Variants in ZDHHC19 observed in about 807,000 individuals in gnomAD.
ZDHHC19 encodes the protein zDHHC palmitoyltransferase 19, also known as palmitoyltransferase ZDHHC19.
A neutral mutation model predicts 33.9 loss-of-function variants in ZDHHC19; 30 were observed. The ratio of observed to expected loss-of-function variants is 0.88; its 90% CI spans 0.66 to 1.20. The LOEUF (loss-of-function observed/expected upper bound fraction) is 1.20. ZDHHC19 is among the 50% of genes most tolerant of loss of function. The pLI, the probability that ZDHHC19 is intolerant of heterozygous loss-of-function variation, is 0.00. For missense variants in ZDHHC19, 364 were observed against 401.1 expected, an observed-to-expected ratio of 0.91 and a Z score of 0.79; for synonymous variants, 178 against 167.6, an observed-to-expected ratio of 1.06 and a Z score of -0.48.
intron 5 of ZDHHC19, among the ~76,000 whole-genome samples, 181 bp downstream of exon 5, chr3:196,207,217 C>A (rs955013538): frequency 6.6e-6 from 1 of 152,226 alleles, no homozygotes; most frequent in Non-Finnish European, 1.5e-5. Context: ...CCAGGAAGGA[C>A]AGGGACCACT....
intron 4 of ZDHHC19, among the ~76,000 whole-genome samples, chr3:196,208,095 G>C (rs1722919533): frequency 6.6e-6 from 1 of 151,756 alleles, no homozygotes; most frequent in African/African-American, 2.4e-5. Flanking sequence ...TGTAGAGACG[G>C]GGTCTATGTT....
In ZDHHC19 at chr3:196,208,532, T is replaced by C. The variant is rs1385804303; in HGVS notation, c.437A>G (p.Asn146Ser). ...GAAGTTGCGGTGACCGATGCAGTTA[T>C]TGACCCACTTGCAGTGGTGGTCAAA... ...EDFDHHCKWVNNCIGHRNFRF... is the reference protein window; with the variant it reads ...EDFDHHCKWVSNCIGHRNFRF... Residue 146 changes from asparagine (N) to serine (S), a missense_variant, in exon 4 of 8, where the codon AAT becomes AGT. By Grantham distance (46) the Asn-to-Ser change is conservative. Coordinates refer to ENST00000296326, the MANE Select transcript of ZDHHC19 (RefSeq NM_001039617.2). 2 of 1,614,010 alleles carry C rather than the reference T, an allele frequency of 1.2e-6. No individual in the cohort carries two copies. Among genetic ancestry groups the C allele is most frequent in the African/African-American group, 2.7e-5 (2 of 74,940 alleles).
intron 2 of ZDHHC19, among the ~76,000 whole-genome samples, chr3:196,210,280 A>G (rs1377747281): frequency 6.8e-6 from 1 of 147,722 alleles, no homozygotes; most frequent in African/African-American, 2.5e-5. Flanking sequence ...GAAAGAAAGA[A>G]AGAAAGAAGG....
At chr3:196,208,270 C>T in intron 4 of ZDHHC19, 118 bp downstream of exon 4, 1 of 738,486 alleles carries the variant, frequency 1.4e-6, no homozygotes, top group Admixed American at 3.3e-5. Context: ...TCACCTCGTC[C>T]CAGACTGGTC....
At position 196,211,160 on chromosome 3, in the gene ZDHHC19, G is replaced by A. The variant is rs1049920186; in HGVS notation, c.146+10C>T. The A allele has an allele frequency of 1.2e-6, 2 of 1,614,138 alleles. No homozygotes were observed. Among genetic ancestry groups the A allele is most frequent in the Non-Finnish European group, 1.7e-6 (2 of 1,180,030 alleles). On this transcript the variant is annotated intron_variant, in intron 1 of 7. Transcript: ENST00000296326. ...TGTGGGAAACCTAACGGCTTGCCTG[G>A]AAAACTCACGGGAATGCGAAGAAGA... is the stretch of plus-strand genomic sequence containing the variant.
chr3:196,200,017 T>C (rs1447858825), intron 5 of ZDHHC19, among the ~76,000 whole-genome samples: 1 of 151,790 alleles, frequency 6.6e-6, no homozygotes, highest in Non-Finnish European at 1.5e-5. Context: ...GGGCCAGGCA[T>C]GGTGATTGGC....
At chr3:196,208,620 C>A (rs1722976579) in intron 3 of ZDHHC19, 60 bp from the exon 4 acceptor site, 1 of 1,569,112 alleles carries the variant, frequency 6.4e-7, no homozygotes, top group East Asian at 2.3e-5. Flanking sequence ...AATTCCATCA[C>A]CCCAAATCCT....
At chr3:196,210,340 AG>A (rs1477372149) in intron 2 of ZDHHC19, among the ~76,000 whole-genome samples, 1 of 130,530 alleles carries the variant, frequency 7.7e-6, no homozygotes, top group East Asian at 2.3e-4. Context: ...AAAGAAAGAA[AG>A]AAAAGAGAAA....
intron 5 of ZDHHC19, among the ~76,000 whole-genome samples, chr3:196,199,085 C>T (rs1337172855): frequency 6.6e-6 from 1 of 152,242 alleles, no homozygotes; most frequent in African/African-American, 2.4e-5. Context: ...CTGCTACCTC[C>T]TTCCAGATAC....
intron 4 of ZDHHC19, among the ~76,000 whole-genome samples, chr3:196,208,048 C>A (rs962405408): frequency 6.6e-6 from 1 of 151,504 alleles, no homozygotes; most frequent in African/African-American, 2.4e-5. Context: ...GGACTATAGG[C>A]GCGAGCCATC....
Position 196,209,511 on chromosome 3 carries a change from G to A in ZDHHC19, c.273C>T (p.Ser91=), listed in dbSNP as rs11719281. ...GCACCGTCAAGGGGCCCTGCTCAGC[G>A]GAGCCTGGCGTGGGAAGAGGATTGG... The part of the protein sequence containing the change: ...FSDPGILHQG[S]AEQGPLTVHV... Residue 91 remains serine, a synonymous_variant, in exon 3 of 8, where the codon TCC becomes TCT. Coordinates refer to ENST00000296326, the MANE Select transcript of ZDHHC19 (RefSeq NM_001039617.2). The A allele has an allele frequency of 0.13, 204,113 of 1,612,224 alleles. 13,632 individuals carry two copies. The highest frequency in any genetic ancestry group is 0.2 in the African/African-American group (15,085 of 75,000).
chr3:196,199,878 G>T lies in ZDHHC19; in HGVS notation c.688-1004C>A, dbSNP rs552975172. ...AAGAATCGCTTGAACCCGGGAGGCG[G>T]AGGTTGCAGTGAGCCGAGATCATGC... On this transcript the variant is annotated intron_variant, in intron 5 of 7. Coordinates refer to ENST00000296326, the MANE Select transcript of ZDHHC19 (RefSeq NM_001039617.2). Among the ~76,000 whole-genome samples the T allele has an allele frequency of 2.0e-3, 307 of 151,994 alleles. 4 individuals are homozygous for T. Among genetic ancestry groups the T allele is most frequent in the Non-Finnish European group, 4.4e-4 (30 of 68,022 alleles).
rs1315622345 is a variant in ZDHHC19 at position 196,208,510 on chromosome 3, G to A, written c.459C>T (p.Asn153=). 6.2e-7 allele frequency: 1 copy of A among 1,614,206 alleles called. No homozygotes were observed. Among genetic ancestry groups the A allele is most frequent in the Non-Finnish European group, 8.5e-7 (1 of 1,180,022 alleles). Residue 153 remains asparagine (N), a synonymous_variant, in exon 4 of 8, where the codon AAC becomes AAT. Transcript: ENST00000296326. The part of the protein sequence containing the change: ...KWVNNCIGHR[N]FRFFMLLVLS... ...GGACAAGCAGCATGAAGAAGCGGAA[G>A]TTGCGGTGACCGATGCAGTTATTGA...
At chr3:196,209,944 C>T (rs1221083484) in intron 2 of ZDHHC19, among the ~76,000 whole-genome samples, 1 of 152,184 alleles carries the variant, frequency 6.6e-6, no homozygotes, top group Non-Finnish European at 1.5e-5. Context: ...GTAATCCCAG[C>T]ACTTTGGGAG....
intron 5 of ZDHHC19, among the ~76,000 whole-genome samples, chr3:196,202,120 A>C (rs577069787): frequency 2.2e-4 from 34 of 152,240 alleles, no homozygotes; most frequent in African/African-American, 7.2e-4. Flanking sequence ...CAAGTTCAAG[A>C]CCAGCCTGGC....
chr3:196,210,339 A>AAAG (rs1213918182), intron 2 of ZDHHC19, among the ~76,000 whole-genome samples: 5 of 132,638 alleles, frequency 3.8e-5, no homozygotes, highest in Non-Finnish European at 6.5e-5. Context: ...GAAAGAAAGA[A>AAAG]AGAAAAGAGA....
At chr3:196,207,878 G>A (rs1457580036) in intron 4 of ZDHHC19, among the ~76,000 whole-genome samples, 1 of 114,038 alleles carries the variant, frequency 8.8e-6, no homozygotes, top group Non-Finnish European at 1.8e-5. Context: ...GTCCCCGCCC[G>A]TCCAGATCTG....
chr3:196,209,629 A>T, intron 2 of ZDHHC19, 114 bp from the exon 3 acceptor site: 3 of 1,383,054 alleles, frequency 2.2e-6, no homozygotes, highest in Non-Finnish European at 2.9e-6. Context: ...TGGGCAGGGG[A>T]ACCCCTGTCC....
chr3:196,209,344 G>A (rs780624128), intron 3 of ZDHHC19, 32 bp downstream of exon 3: 20 of 1,570,416 alleles, frequency 1.3e-5, no homozygotes, highest in South Asian at 2.3e-5. Flanking sequence ...GATGTGGGGC[G>A]ATGGCTGGTG....
Sources: gnomAD v4.1 joint callset for allele counts (sites outside exome capture counted in the v4.1 genomes callset) on GRCh38, gnomAD v4.1.1 for gene constraint, MANE v1.5 for transcripts, NCBI Gene and HGNC (gene_info 2026-07-23, HGNC 2026-07-21) for gene names.